BAHCC1: variants seen among roughly 807,000 people sequenced by gnomAD.
The protein encoded by BAHCC1 is BAH and coiled-coil domain-containing protein 1.
Under a neutral mutation model 88.2 loss-of-function variants are expected in BAHCC1, and 43 were observed. The observed-to-expected ratio is 0.49, with a 90% confidence interval of 0.38 to 0.63. The LOEUF (loss-of-function observed/expected upper bound fraction) is 0.63, where lower values mean the gene tolerates loss of function less well. Among genes scored for constraint, BAHCC1 ranks in the 20% least tolerant of loss-of-function variants. The probability of loss-of-function intolerance (pLI) is 0.00; values close to 1 mark genes in which losing one functional copy is unlikely to be tolerated. For missense variants in BAHCC1, 3,023 were observed against 1,654.8 expected (o/e 1.83, Z -14.34); for synonymous variants, 1,510 against 745.5 (o/e 2.03, Z -16.71).
rs2063781513 is a variant in BAHCC1, at chr17:81,399,298, C to T, written c.-206-236C>T. ...AGTGCGGCTGGGTTCCCCCGGCTGC[C>T]CCGGGCCAAGCGTGGCCGGGACGGT... On this transcript the variant is annotated intron_variant, in intron 1 of 27. Coordinates refer to ENST00000675386, the MANE Select transcript of BAHCC1 (RefSeq NM_001377448.1). The surrounding 1 kb of genome is among the most constrained non-coding windows in gnomAD (Gnocchi z 4.5). The T allele has an allele frequency of 1.3e-5, 4 of 304,404 alleles. No homozygotes were observed. Among genetic ancestry groups the T allele is most frequent in the South Asian group, 6.6e-5 (3 of 45,324 alleles). 18.9% of individuals were successfully genotyped at this position (304,404 alleles called of 1,614,324 possible).
In BAHCC1 at chr17:81,441,530, C is replaced by CAG. The variant is rs1568016503; in HGVS notation, c.482-301_482-300insAG. Among the ~76,000 whole-genome samples, 12 of 152,112 alleles carry CAG rather than the reference C, an allele frequency of 7.9e-5. No individual in the cohort carries two copies. In the East Asian group the frequency reaches 2.1e-3, roughly 27 times the overall value. On this transcript the variant is annotated intron_variant, in intron 4 of 27. Coordinates refer to ENST00000675386, the MANE Select transcript of BAHCC1 (RefSeq NM_001377448.1). ...ACAAAAAGTTAGCTGGGCCTGGTGGCGGGCTCCTGTAGTCCCAGCTACTCG... is the reference window on the plus strand; with the variant it reads ...ACAAAAAGTTAGCTGGGCCTGGTGGCAGGGGCTCCTGTAGTCCCAGCTACTCG...
intron 11 of BAHCC1, among the ~76,000 whole-genome samples, chr17:81,450,788 G>A (rs899742812): frequency 6.6e-6 from 1 of 152,220 alleles, no homozygotes; most frequent in Non-Finnish European, 1.5e-5. Flanking sequence ...GAGGGCCTGG[G>A]GTCCCAGCTA....
chr17:81,422,000 C>T (rs1181457712), intron 2 of BAHCC1: 5 of 343,556 alleles, frequency 1.5e-5, no homozygotes, highest in Admixed American at 9.0e-5. Flanking sequence ...CGGGTGACTC[C>T]GCTTCCTCTC....
Position 81,405,578 on chromosome 17 carries a change from A to G in BAHCC1, c.178+5661A>G, listed in dbSNP as rs542216741. Reference sequence around the variant, plus strand: ...TCCCAGAATACCCTGATCTAGCTCCAGGGTCTGAGCCCGAGACTGTCCATG... The same window carrying G: ...TCCCAGAATACCCTGATCTAGCTCCGGGGTCTGAGCCCGAGACTGTCCATG... On this transcript the variant is annotated intron_variant, in intron 2 of 27. Coordinates refer to ENST00000675386, the MANE Select transcript of BAHCC1 (RefSeq NM_001377448.1). Among the ~76,000 whole-genome samples, 420 of 152,202 alleles carry G rather than the reference A, an allele frequency of 2.8e-3. 4 individuals carry two copies. Among genetic ancestry groups the G allele is most frequent in the African/African-American group, 9.8e-3 (407 of 41,508 alleles).
chr17:81,454,426 GAATTCCAT>G (rs2064705579), intron 14 of BAHCC1, among the ~76,000 whole-genome samples: 7 of 152,206 alleles, frequency 4.6e-5, no homozygotes, highest in Non-Finnish European at 8.8e-5. Context: ...CAGGGATGCA[GAATTCCAT>G]CCTTAAGACC....
chr17:81,440,285 G>A (rs2064393509), intron 4 of BAHCC1, among the ~76,000 whole-genome samples: 1 of 152,208 alleles, frequency 6.6e-6, no homozygotes, highest in African/African-American at 2.4e-5. Flanking sequence ...CCCTCCACCA[G>A]CACAGGGGAC....
rs145591382 is a variant in BAHCC1 at position 81,462,221 on chromosome 17, G to A, written c.7383+175G>A. 9.2e-3 allele frequency among the ~76,000 whole-genome samples: 1,400 copies of A among 152,352 alleles called. 13 individuals are homozygous for A. Among genetic ancestry groups the A allele is most frequent in the Non-Finnish European group, 0.013 (911 of 68,020 alleles). Reference sequence around the variant, plus strand: ...CCATCCATGACCCAGTGAGGCAGCCGCTTCCGCTGGCCCCTCGCTGGAGCC... The same window carrying A: ...CCATCCATGACCCAGTGAGGCAGCCACTTCCGCTGGCCCCTCGCTGGAGCC... On this transcript the variant is annotated intron_variant, in intron 26 of 27. Coordinates refer to ENST00000675386, the MANE Select transcript of BAHCC1 (RefSeq NM_001377448.1).
At chr17:81,457,341 T>G in intron 16 of BAHCC1, 69 bp from the exon 17 acceptor site, 2 of 704,394 alleles carry the variant, frequency 2.8e-6, no homozygotes, top group Non-Finnish European at 5.3e-6. Flanking sequence ...GCCCAGAGGG[T>G]CACCTCCCCC....
At chr17:81,416,615 T>G (rs182621880) in intron 2 of BAHCC1, among the ~76,000 whole-genome samples, 4 of 149,942 alleles carry the variant, frequency 2.7e-5, no homozygotes, top group East Asian at 4.0e-4. Context: ...TATGTACGTG[T>G]GTGTGTCCAT....
chr17:81,429,428 G>T (rs2064235858), intron 3 of BAHCC1, among the ~76,000 whole-genome samples: 1 of 152,258 alleles, frequency 6.6e-6, no homozygotes, highest in Non-Finnish European at 1.5e-5. Flanking sequence ...CTCCCCGACA[G>T]ACCACATGGA....
chr17:81,426,724 G>A (rs1471069223), intron 2 of BAHCC1, 76 bp from the exon 3 acceptor site: 3 of 398,378 alleles, frequency 7.5e-6, no homozygotes, highest in Non-Finnish European at 1.3e-5. Context: ...GAGAAGGGCT[G>A]TGGTGTTGCC....
intron 3 of BAHCC1, among the ~76,000 whole-genome samples, chr17:81,436,744 T>C (rs1160493759): frequency 1.3e-5 from 2 of 152,216 alleles, no homozygotes; most frequent in South Asian, 4.1e-4. Context: ...TGTCCTCAGC[T>C]GGAGGGCAGC....
intron 1 of BAHCC1, chr17:81,395,967 G>A (rs1021707334): frequency 1.1e-4 from 16 of 152,362 alleles, no homozygotes; most frequent in Non-Finnish European, 1.8e-4. Context: ...CTCGAAGACA[G>A]GACAGGGACC....
chr17:81,397,649 TC>T (rs1218178017), intron 1 of BAHCC1, among the ~76,000 whole-genome samples: 4 of 151,714 alleles, frequency 2.6e-5, no homozygotes, highest in African/African-American at 7.3e-5. Context: ...GGGCAGCCCC[TC>T]CCCTGACCCC....
chr17:81,454,558 A>ACCCCACCCG (rs1568030991), intron 14 of BAHCC1, among the ~76,000 whole-genome samples: 2 of 130,808 alleles, frequency 1.5e-5, no homozygotes, highest in Admixed American at 1.5e-4. Context: ...CACCCCACCC[A>ACCCCACCCG]CCTGCCCCTA....
chr17:81,453,164 C>T (rs1299193819), intron 14 of BAHCC1, among the ~76,000 whole-genome samples: 1 of 152,236 alleles, frequency 6.6e-6, no homozygotes, highest in Non-Finnish European at 1.5e-5. Flanking sequence ...CGCCCGGCCC[C>T]CCTGGAGTGT....
At chr17:81,398,192 G>A (rs1555645235) in intron 1 of BAHCC1, among the ~76,000 whole-genome samples, 1 of 152,182 alleles carries the variant, frequency 6.6e-6, no homozygotes, top group Non-Finnish European at 1.5e-5. Flanking sequence ...TAGAAGATGA[G>A]GAGTAATATG....
chr17:81,404,929 C>T (rs563077523), intron 2 of BAHCC1, among the ~76,000 whole-genome samples: 7 of 152,280 alleles, frequency 4.6e-5, no homozygotes, highest in East Asian at 1.9e-4. Context: ...GTTGGGGTGC[C>T]TCCTCTCTGC....
intron 10 of BAHCC1, 120 bp downstream of exon 10, chr17:81,445,801 A>T: frequency 1.6e-6 from 1 of 624,644 alleles, no homozygotes; most frequent in East Asian, 2.8e-5. Flanking sequence ...GCCCAGACCC[A>T]GGGCAGCATG....
Sources: allele counts gnomAD v4.1 joint callset (sites outside exome capture counted in the v4.1 genomes callset), GRCh38; gene constraint gnomAD v4.1.1; non-coding constraint Gnocchi (gnomAD v3.1); transcripts MANE v1.5; gene names NCBI Gene and HGNC (gene_info 2026-07-23, HGNC 2026-07-21).